SYT6: variants seen among roughly 807,000 people sequenced by gnomAD.
SYT6 encodes synaptotagmin 6.
SYT6 carries 24 observed loss-of-function variants against 38.4 expected under a neutral mutation model. That is an observed-to-expected ratio of 0.62 (90% CI 0.45 to 0.88). The LOEUF (loss-of-function observed/expected upper bound fraction) is 0.88, where lower values mean the gene tolerates loss of function less well. Ranked by LOEUF, SYT6 falls within the 40% of genes least tolerant of loss-of-function variation. The probability of loss-of-function intolerance (pLI) is 0.00; values close to 1 mark genes in which losing one functional copy is unlikely to be tolerated. For missense variants in SYT6, 611 were observed against 621.0 expected (o/e 0.98, Z 0.17); for synonymous variants, 265 against 241.9 (o/e 1.10, Z -0.89).
At chr1:114,109,163 C>T (rs1234733558) in intron 3 of SYT6, among the ~76,000 whole-genome samples, 2 of 152,310 alleles carry the variant, frequency 1.3e-5, no homozygotes, top group East Asian at 3.9e-4. Context: ...CCTGTGATAT[C>T]TCCTCCCATA....
At chr1:114,129,291 A>G (rs1677942000) in intron 3 of SYT6, among the ~76,000 whole-genome samples, 2 of 152,184 alleles carry the variant, frequency 1.3e-5, no homozygotes, top group Admixed American at 6.5e-5. Flanking sequence ...TTTTAAGACA[A>G]TCACATCCCC....
rs549805194 is a variant in SYT6, at chr1:114,113,782, C to G, written c.1072-10061G>C. 1.2e-4 allele frequency among the ~76,000 whole-genome samples: 19 copies of G among 152,278 alleles called. No individual in the cohort carries two copies. In the South Asian group the frequency reaches 3.5e-3, roughly 28 times the overall value. On this transcript the variant is annotated intron_variant, in intron 3 of 7. Transcript: ENST00000610222. ...GCCTTCCCTGCTTCCCTTGCTCTCC[C>G]GCCCCATTCTCCACACAGCAGCCAG...
At chr1:114,113,184 C>T (rs1322068652) in intron 3 of SYT6, among the ~76,000 whole-genome samples, 2 of 152,160 alleles carry the variant, frequency 1.3e-5, no homozygotes, top group Non-Finnish European at 2.9e-5. Context: ...TGGCAAGGTG[C>T]TCCATAGAGA....
intron 3 of SYT6, among the ~76,000 whole-genome samples, chr1:114,122,598 T>C (rs1414060141): frequency 6.6e-6 from 1 of 152,156 alleles, no homozygotes; most frequent in Non-Finnish European, 1.5e-5. Flanking sequence ...GCTGAGATTC[T>C]ACTTCCCTAT....
chr1:114,122,508 C>CGCGCGT (rs1677474032), intron 3 of SYT6, among the ~76,000 whole-genome samples: 1 of 66,752 alleles, frequency 1.5e-5, no homozygotes, highest in African/African-American at 6.2e-5. Context: ...TGTGTGTGTG[C>CGCGCGT]GCGCACATGA....
intron 3 of SYT6, among the ~76,000 whole-genome samples, chr1:114,105,552 A>T (rs1313063256): frequency 6.6e-6 from 1 of 151,830 alleles, no homozygotes; most frequent in Non-Finnish European, 1.5e-5. Context: ...CTGTGGAGAC[A>T]GCCACCCCTC....
At chr1:114,153,244 G>C (rs1679540582) in intron 1 of SYT6, among the ~76,000 whole-genome samples, 1 of 152,182 alleles carries the variant, frequency 6.6e-6, no homozygotes, top group Admixed American at 6.5e-5. Flanking sequence ...GGCGCCCCTC[G>C]TCTCCCGCTC....
At chr1:114,125,187 C>A (rs1677650082) in intron 3 of SYT6, among the ~76,000 whole-genome samples, 1 of 152,208 alleles carries the variant, frequency 6.6e-6, no homozygotes, top group South Asian at 2.1e-4. Flanking sequence ...TGGTGAACTC[C>A]AAGTTGTGTC....
At chr1:114,118,591 C>T (rs1421024674) in intron 3 of SYT6, among the ~76,000 whole-genome samples, 1 of 152,232 alleles carries the variant, frequency 6.6e-6, no homozygotes, top group Non-Finnish European at 1.5e-5. Context: ...CAGGCCATGC[C>T]AGGCCCTCCG....
chr1:114,129,895 G>C (rs1215361967), intron 3 of SYT6, among the ~76,000 whole-genome samples: 1 of 151,168 alleles, frequency 6.6e-6, no homozygotes, highest in African/African-American at 2.4e-5. Flanking sequence ...TTTTGCCAGG[G>C]GCTGGTCTCA....
chr1:114,129,620 T>TCTTTCTTTC (rs1557756305), intron 3 of SYT6, among the ~76,000 whole-genome samples: 47 of 63,494 alleles, frequency 7.4e-4, no homozygotes, highest in Middle Eastern at 7.7e-3. Context: ...TTCTTTCCTT[T>TCTTTCTTTC]CTTTCTTTCT....
At chr1:114,117,488 G>A (rs1398567195) in intron 3 of SYT6, among the ~76,000 whole-genome samples, 2 of 152,222 alleles carry the variant, frequency 1.3e-5, no homozygotes, top group Non-Finnish European at 2.9e-5. Flanking sequence ...AGAGGCAGCT[G>A]CCTTGGAGTT....
At chr1:114,125,189 A>C (rs1024321370) in intron 3 of SYT6, among the ~76,000 whole-genome samples, 7 of 152,218 alleles carry the variant, frequency 4.6e-5, no homozygotes, top group Non-Finnish European at 8.8e-5. Flanking sequence ...GTGAACTCCA[A>C]GTTGTGTCAA....
intron 3 of SYT6, among the ~76,000 whole-genome samples, chr1:114,118,806 C>T (rs144200362): frequency 4.6e-5 from 7 of 152,338 alleles, no homozygotes; most frequent in South Asian, 4.1e-4. Context: ...CATCTCCTGT[C>T]GGTGTCAGCT....
At chr1:114,129,274 A>G (rs533511193) in intron 3 of SYT6, among the ~76,000 whole-genome samples, 1 of 152,254 alleles carries the variant, frequency 6.6e-6, no homozygotes, top group South Asian at 2.1e-4. Flanking sequence ...ACCTATTTTC[A>G]TCTCTTTTTT....
intron 2 of SYT6, 115 bp downstream of exon 2, chr1:114,139,500 C>G: frequency 1.4e-6 from 2 of 1,447,616 alleles, no homozygotes; most frequent in Non-Finnish European, 1.9e-6. Flanking sequence ...ATTTGTCAAT[C>G]AAAGGATATG....
chr1:114,137,767 G>A lies in SYT6; in HGVS notation c.799C>T (p.Pro267Ser). 2 of 1,614,078 alleles carry A rather than the reference G, an allele frequency of 1.2e-6. No homozygotes were observed. ...GGCAGGAGGTAGATCTTGACATAAG[G>A]GTCAGAGCTTCCACAAAAGTCCTTG... is the stretch of plus-strand genomic sequence containing the variant. Reference protein sequence around the residue: ...PAKDFCGSSDPYVKIYLLPDR... With the variant: ...PAKDFCGSSDSYVKIYLLPDR... The change falls in exon 3 of 8, where the codon CCT becomes TCT. Residue 267 changes from proline to serine, a missense_variant. Pro to Ser is a moderately conservative substitution (Grantham distance 74). Coordinates refer to ENST00000610222, the MANE Select transcript of SYT6 (RefSeq NM_001253772.2).
intron 6 of SYT6, among the ~76,000 whole-genome samples, chr1:114,096,163 A>G (rs1380833080): frequency 6.6e-6 from 1 of 152,136 alleles, no homozygotes; most frequent in African/African-American, 2.4e-5. Flanking sequence ...CACAGCCTTC[A>G]GTGAGGTGCT....
intron 6 of SYT6, among the ~76,000 whole-genome samples, chr1:114,097,296 A>G (rs1675692433): frequency 6.6e-6 from 1 of 152,258 alleles, no homozygotes; most frequent in South Asian, 2.1e-4. Flanking sequence ...CTATCCAAGC[A>G]GTGAAAACTG....
Sources: allele counts gnomAD v4.1 joint callset (sites outside exome capture counted in the v4.1 genomes callset), GRCh38; gene constraint gnomAD v4.1.1; transcripts MANE v1.5; gene names NCBI Gene and HGNC (gene_info 2026-07-23, HGNC 2026-07-21).